CAMKMT: variants seen among roughly 807,000 people sequenced by gnomAD.
CAMKMT encodes the protein CaM KMT.
CAMKMT carries 53 observed loss-of-function variants against 48.0 expected under a neutral mutation model. That is an observed-to-expected ratio of 1.10 (90% CI 0.89 to 1.39). CAMKMT has a LOEUF of 1.39. CAMKMT is among the 40% of genes most tolerant of loss of function. The pLI, the probability that CAMKMT is intolerant of heterozygous loss-of-function variation, is 0.00. For missense variants in CAMKMT, 428 were observed against 402.7 expected (o/e 1.06, Z -0.54); for synonymous variants, 165 against 152.3 (o/e 1.08, Z -0.61).
chr2:44,722,326 G>A (rs776468693), intron 7 of CAMKMT, among the ~76,000 whole-genome samples: 1 of 151,842 alleles, frequency 6.6e-6, no homozygotes, highest in Non-Finnish European at 1.5e-5. Context: ...TTTTCAAAGT[G>A]GCTGAACCAC....
intron 3 of CAMKMT, among the ~76,000 whole-genome samples, chr2:44,409,296 T>TA (rs1346860606): frequency 2.0e-5 from 3 of 151,882 alleles, no homozygotes; most frequent in Non-Finnish European, 2.9e-5. Context: ...TAGTTGACAT[T>TA]TGGACTCCTA....
intron 7 of CAMKMT, among the ~76,000 whole-genome samples, chr2:44,728,406 A>T (rs540752295): frequency 1.3e-5 from 2 of 152,218 alleles, no homozygotes; most frequent in East Asian, 3.9e-4. Flanking sequence ...TTTGCCAGAG[A>T]TTGGTATCAG....
chr2:44,581,145 G>A (rs936814982), intron 3 of CAMKMT, among the ~76,000 whole-genome samples: 1 of 152,092 alleles, frequency 6.6e-6, no homozygotes, highest in Non-Finnish European at 1.5e-5. Flanking sequence ...TTTCCGATGA[G>A]ATCAAAAGGA....
chr2:44,582,207 G>C (rs1046696100), intron 3 of CAMKMT, among the ~76,000 whole-genome samples: 1 of 152,170 alleles, frequency 6.6e-6, no homozygotes, highest in Admixed American at 6.5e-5. Flanking sequence ...AATGTCTTTA[G>C]TCTATTTTGA....
At chr2:44,602,446 T>G (rs2103861908) in intron 3 of CAMKMT, among the ~76,000 whole-genome samples, 1 of 152,242 alleles carries the variant, frequency 6.6e-6, no homozygotes, top group Non-Finnish European at 1.5e-5. Flanking sequence ...AATAATTTTA[T>G]AGTAAACACA....
chr2:44,677,390 T>C (rs562405818), intron 3 of CAMKMT, among the ~76,000 whole-genome samples: 1 of 152,302 alleles, frequency 6.6e-6, no homozygotes, highest in East Asian at 1.9e-4. Context: ...GGGTAGAAGA[T>C]TGCATTCAGT....
At chr2:44,454,367 A>C (rs1044053565) in intron 3 of CAMKMT, among the ~76,000 whole-genome samples, 1 of 152,156 alleles carries the variant, frequency 6.6e-6, no homozygotes, top group Non-Finnish European at 1.5e-5. Flanking sequence ...CAAAGTAAGT[A>C]AACTGAGTAC....
At chr2:44,605,766 G>A (rs573163768) in intron 3 of CAMKMT, among the ~76,000 whole-genome samples, 1 of 152,012 alleles carries the variant, frequency 6.6e-6, no homozygotes, top group African/African-American at 2.4e-5. Flanking sequence ...TATCTTGCTT[G>A]TCCTAATTCC....
chr2:44,640,681 C>A (rs1176071901), intron 3 of CAMKMT, among the ~76,000 whole-genome samples: 1 of 152,126 alleles, frequency 6.6e-6, no homozygotes, highest in Non-Finnish European at 1.5e-5. Context: ...TGGTGCTTTG[C>A]TATTATTAGT....
At chr2:44,437,838 CAA>C (rs370663723) in intron 3 of CAMKMT, among the ~76,000 whole-genome samples, 13 of 120,500 alleles carry the variant, frequency 1.1e-4, no homozygotes, top group African/African-American at 1.5e-4. Context: ...GACTCTGCTA[CAA>C]AAAAAAAAAA....
chr2:44,637,942 G>A (rs1413638969), intron 3 of CAMKMT, among the ~76,000 whole-genome samples: 1 of 151,842 alleles, frequency 6.6e-6, no homozygotes, highest in Non-Finnish European at 1.5e-5. Flanking sequence ...GCACGTGCCT[G>A]TAGTCCCGGC....
intron 3 of CAMKMT, among the ~76,000 whole-genome samples, chr2:44,504,168 A>G (rs767453670): frequency 2.6e-5 from 4 of 152,028 alleles, no homozygotes; most frequent in Non-Finnish European, 5.9e-5. Flanking sequence ...CAACATATTA[A>G]TTTTGAGGGA....
At chr2:44,652,650 GAC>G (rs1189950420) in intron 3 of CAMKMT, among the ~76,000 whole-genome samples, 1 of 152,182 alleles carries the variant, frequency 6.6e-6, no homozygotes, top group African/African-American at 2.4e-5. Context: ...CGTGCGTACA[GAC>G]ACACACTCTT....
At chr2:44,398,399 G>A (rs1172036190) in intron 3 of CAMKMT, among the ~76,000 whole-genome samples, 4 of 152,134 alleles carry the variant, frequency 2.6e-5, no homozygotes, top group Non-Finnish European at 5.9e-5. Context: ...ACTGATTAAA[G>A]GTCAAGAAAA....
intron 3 of CAMKMT, among the ~76,000 whole-genome samples, chr2:44,594,486 A>G (rs1180068854): frequency 1.3e-5 from 2 of 152,176 alleles, no homozygotes; most frequent in Admixed American, 6.5e-5. Context: ...GGAACAAAAC[A>G]GAGGCCTCAG....
At chr2:44,728,778 G>A (rs182534323) in intron 7 of CAMKMT, among the ~76,000 whole-genome samples, 206 of 147,534 alleles carry the variant, frequency 1.4e-3, no homozygotes, top group African/African-American at 4.9e-3. Context: ...TGTTGTTTCT[G>A]ATTGTGCTTA....
chr2:44,399,870 A>G (rs1204444379), intron 3 of CAMKMT, among the ~76,000 whole-genome samples: 1 of 152,178 alleles, frequency 6.6e-6, no homozygotes, highest in Non-Finnish European at 1.5e-5. Context: ...CAGTGGTCGC[A>G]GTTGTTCTTA....
chr2:44,502,953 T>C (rs1416333346), intron 3 of CAMKMT, among the ~76,000 whole-genome samples: 1 of 152,164 alleles, frequency 6.6e-6, no homozygotes, highest in East Asian at 1.9e-4. Flanking sequence ...TGATGATGAC[T>C]ACTGATTTGT....
At chr2:44,509,735 G>C (rs577770197) in intron 3 of CAMKMT, among the ~76,000 whole-genome samples, 2 of 152,258 alleles carry the variant, frequency 1.3e-5, no homozygotes, top group Admixed American at 1.3e-4. Context: ...AATTCTCATG[G>C]GAGTGAGTTG....
Sources: allele counts gnomAD v4.1 joint callset (sites outside exome capture counted in the v4.1 genomes callset), GRCh38; gene constraint gnomAD v4.1.1; transcripts MANE v1.5; gene names NCBI Gene and HGNC (gene_info 2026-07-23, HGNC 2026-07-21).